KCTD21: variants seen among roughly 807,000 people sequenced by gnomAD.
KCTD21 encodes the protein potassium channel tetramerization domain containing 21.
KCTD21 carries 9 observed loss-of-function variants against 13.2 expected under a neutral mutation model. The observed-to-expected ratio is 0.68, with a 90% CI of 0.41 to 1.19. The LOEUF (loss-of-function observed/expected upper bound fraction) is 1.19. Ranked by LOEUF, KCTD21 falls within the 50% of genes most tolerant of loss-of-function variation. The probability of loss-of-function intolerance (pLI) is 0.01; values close to 1 mark genes in which losing one functional copy is unlikely to be tolerated. For missense variants in KCTD21, 303 were observed against 336.5 expected (o/e 0.90, Z 0.78); for synonymous variants, 142 against 137.4 (o/e 1.03, Z -0.23).
At position 78,187,080 on chromosome 11, in the gene KCTD21, G is replaced by A. The variant is rs1260375385; in HGVS notation, c.-30+1493C>T. 6.1e-6 allele frequency: 6 copies of A among 985,312 alleles called. No individual in the cohort carries two copies. In the South Asian group the frequency reaches 2.3e-4, roughly 39 times the overall value. The allele number at this position is 985,312 out of a possible 1,614,324, so 61.0% of individuals were successfully genotyped here. ...GTGACAAGGCCGAGGTGATTACTTGGGAGTAAATGCAAGGAGAGTTTCCAC... is the reference window on the plus strand; with the variant it reads ...GTGACAAGGCCGAGGTGATTACTTGAGAGTAAATGCAAGGAGAGTTTCCAC... On this transcript the variant is annotated intron_variant, in intron 1 of 1. Transcript: ENST00000340067.
intron 1 of KCTD21, among the ~76,000 whole-genome samples, chr11:78,178,568 A>C (rs2136997364): frequency 6.6e-6 from 1 of 152,266 alleles, no homozygotes; most frequent in Non-Finnish European, 1.5e-5. Flanking sequence ...ATGAACTAAC[A>C]CCACTGAGCC....
chr11:78,183,974 C>G (rs536861944), intron 1 of KCTD21, among the ~76,000 whole-genome samples: 2 of 152,258 alleles, frequency 1.3e-5, no homozygotes, highest in East Asian at 1.9e-4. Context: ...CTAATAAACA[C>G]AGAAGGAATG....
intron 1 of KCTD21, chr11:78,187,253 T>C (rs975354416): frequency 1.0e-6 from 1 of 985,186 alleles, no homozygotes; most frequent in African/African-American, 1.7e-5. Flanking sequence ...CTAGGACGAC[T>C]ACCCTTTCTT....
rs1862356670 is a variant in KCTD21 at position 78,173,798 on chromosome 11, T to C, written c.757A>G (p.Ile253Val). Residue 253 changes from isoleucine (I) to valine (V), a missense_variant, in exon 2 of 2, where the codon ATT becomes GTT. Coordinates refer to ENST00000340067, the MANE Select transcript of KCTD21 (RefSeq NM_001029859.3). ...TACCTGTACCGTATTAATCGAATAATCTTATTGTTCATAAAATCCAGAGCA... is the reference window on the plus strand; with the variant it reads ...TACCTGTACCGTATTAATCGAATAACCTTATTGTTCATAAAATCCAGAGCA... ...PHALDFMNNK[I>V]IRLIRYR 1 of 1,613,958 alleles carries C rather than the reference T, an allele frequency of 6.2e-7. No individual in the cohort carries two copies. The highest frequency in any genetic ancestry group is 8.5e-7 in the Non-Finnish European group (1 of 1,179,864).
At chr11:78,187,710 A>G in intron 1 of KCTD21, 12 of 985,364 alleles carry the variant, frequency 1.2e-5, no homozygotes, top group Non-Finnish European at 1.4e-5. Flanking sequence ...TCACAGTACT[A>G]TAGGAGGGCT....
At chr11:78,181,693 C>A (rs527960216) in intron 1 of KCTD21, among the ~76,000 whole-genome samples, 1 of 152,132 alleles carries the variant, frequency 6.6e-6, no homozygotes, top group South Asian at 2.1e-4. Context: ...TGCCTATAAT[C>A]CCAGTACTTT....
chr11:78,188,378 G>A (rs1454520429), intron 1 of KCTD21, 195 bp downstream of exon 1: 4 of 985,252 alleles, frequency 4.1e-6, no homozygotes, highest in Non-Finnish European at 4.8e-6. Context: ...CCCTCTAAGA[G>A]CTCTGCCCAC....
At position 78,173,906 on chromosome 11, in the gene KCTD21, T is replaced by C. The variant is rs186087116; in HGVS notation, c.649A>G (p.Ile217Val). ...RLWVVPANKQ[I>V]NSFQVFVEEV... ...TCCACGAAGACCTGGAAGCTGTTGA[T>C]CTGCTTGTTGGCGGGCACCACCCAG... Residue 217 changes from isoleucine to valine, a missense_variant, in exon 2 of 2, where the codon ATC becomes GTC. By Grantham distance (29) the Ile-to-Val change is conservative (BLOSUM62 3). Coordinates refer to ENST00000340067, the MANE Select transcript of KCTD21 (RefSeq NM_001029859.3). 487 of 1,614,200 alleles carry C rather than the reference T, an allele frequency of 3.0e-4. 1 individual carries two copies. In the East Asian group the frequency reaches 9.6e-3, roughly 32 times the overall value.
chr11:78,182,539 A>G lies in KCTD21; in HGVS notation c.-30+6034T>C, dbSNP rs112428699. 4.9e-3 allele frequency among the ~76,000 whole-genome samples: 750 copies of G among 152,330 alleles called. 8 individuals carry two copies. Among genetic ancestry groups the G allele is most frequent in the African/African-American group, 0.017 (708 of 41,568 alleles). On this transcript the variant is annotated intron_variant, in intron 1 of 1. Coordinates refer to ENST00000340067, the MANE Select transcript of KCTD21 (RefSeq NM_001029859.3). The stretch of plus-strand genomic sequence containing the variant: ...GAGAAGGAATTTGGTAATAAATGTG[A>G]AGAGACACAACTAGCAATGTTTAAA...
intron 1 of KCTD21, chr11:78,188,010 C>T (rs1862848017): frequency 2.0e-6 from 2 of 985,324 alleles, no homozygotes; most frequent in Non-Finnish European, 2.4e-6. Context: ...CCGCACTGAA[C>T]TCGGGGATGG....
rs755258463 is a variant in KCTD21 at position 78,173,743 on chromosome 11, TC to T, written c.*28del. On this transcript the variant is annotated 3_prime_UTR_variant, in exon 2 of 2. Transcript: ENST00000340067. ...CTGGCTGACATGAGCTTCCTGGGAC[TC>T]CCCATCTCCAGTGTTGTTGGGGTCC... is the stretch of plus-strand genomic sequence containing the variant. 2 of 1,570,322 alleles carry T rather than the reference TC, an allele frequency of 1.3e-6. No homozygotes were observed. Among genetic ancestry groups the T allele is most frequent in the African/African-American group, 1.4e-5 (1 of 73,964 alleles).
rs1862321952 is a variant in KCTD21 at position 78,172,949 on chromosome 11, ATTTG to A, written c.*819_*822del. The A allele has an allele frequency of 6.6e-6, 1 of 152,594 alleles. No individual in the cohort carries two copies. The highest frequency in any genetic ancestry group is 1.5e-5 in the Non-Finnish European group (1 of 68,024). 9.5% of individuals were successfully genotyped at this position (152,594 alleles called of 1,614,324 possible). On this transcript the variant is annotated 3_prime_UTR_variant, in exon 2 of 2. Coordinates refer to ENST00000340067, the MANE Select transcript of KCTD21 (RefSeq NM_001029859.3). ...TTCCAACCCTGAGAATCCGTAATAG[ATTTG>A]TTTAAAATGACCTGTTTCAATGATA...
rs530953860 is a variant in KCTD21, at chr11:78,187,279, A to T, written c.-30+1294T>A. On this transcript the variant is annotated intron_variant, in intron 1 of 1. Coordinates refer to ENST00000340067, the MANE Select transcript of KCTD21 (RefSeq NM_001029859.3). The stretch of plus-strand genomic sequence containing the variant: ...ACCCTTTCTTCACCTCCTCTTCCTG[A>T]CCACCCCACATCAAAGAGCTGCGTC... 97 of 985,064 alleles carry T rather than the reference A, an allele frequency of 9.8e-5. No individual in the cohort carries two copies. In the African/African-American group the frequency reaches 1.6e-3, roughly 16 times the overall value. The allele number at this position is 985,064 out of a possible 1,614,324, so 61.0% of individuals were successfully genotyped here.
intron 1 of KCTD21, chr11:78,188,236 G>A (rs551530153): frequency 3.1e-6 from 3 of 983,596 alleles, no homozygotes; most frequent in African/African-American, 1.8e-5. Flanking sequence ...GACCTGACAA[G>A]TGCCCCACCC....
Position 78,173,960 on chromosome 11 carries a change from C to T in KCTD21, c.595G>A (p.Glu199Lys), listed in dbSNP as rs201203383. The change falls in exon 2 of 2, where the codon GAG becomes AAG. Residue 199 changes from glutamate to lysine, a missense_variant. Physicochemically the swap from Glu to Lys is moderately conservative, Grantham distance 56 (BLOSUM62 1). Transcript: ENST00000340067. Reference sequence around the variant, plus strand: ...CTCTTGAGGTTCTGCTTGGTGTACTCCTCCTCTGGCAGGCCCTCCACATTG... The same window carrying T: ...CTCTTGAGGTTCTGCTTGGTGTACTTCTCCTCTGGCAGGCCCTCCACATTG... ...VANVEGLPEE[E>K]YTKQNLKRLW... The T allele has an allele frequency of 1.2e-5, 19 of 1,613,858 alleles. No homozygotes were observed. The highest frequency in any genetic ancestry group is 5.0e-5 in the Admixed American group (3 of 59,984).
intron 1 of KCTD21, among the ~76,000 whole-genome samples, chr11:78,186,417 T>TAAAAAAA (rs1862773963): frequency 9.8e-6 from 1 of 102,538 alleles, no homozygotes. Context: ...AGAAAAGAAC[T>TAAAAAAA]GGAGAGGCTG....
chr11:78,173,481 T>A lies in KCTD21; in HGVS notation c.*291A>T, dbSNP rs879757591. 7 of 317,704 alleles carry A rather than the reference T, an allele frequency of 2.2e-5. No individual in the cohort carries two copies. The highest frequency in any genetic ancestry group is 4.1e-5 in the Non-Finnish European group (7 of 171,674). The allele number at this position is 317,704 out of a possible 1,614,324, so 19.7% of individuals were successfully genotyped here. A position where few individuals can be genotyped will look rare whatever the true frequency, so the allele number is the denominator to read the frequency against. On this transcript the variant is annotated 3_prime_UTR_variant, in exon 2 of 2. Coordinates refer to ENST00000340067, the MANE Select transcript of KCTD21 (RefSeq NM_001029859.3). ...CCAGGAGAAAACTGCTGCTCTTTTG[T>A]CCTGGCTGGAAAATCCTCCTATGGC... is the stretch of plus-strand genomic sequence containing the variant.
rs1178339128 is a variant in KCTD21, at chr11:78,171,523, T to G, written c.*2249A>C. On this transcript the variant is annotated 3_prime_UTR_variant, in exon 2 of 2. Coordinates refer to ENST00000340067, the MANE Select transcript of KCTD21 (RefSeq NM_001029859.3). ...AAAAGGAGAAAGGGCAGTGGTGATT[T>G]GTAAGATTTCTTCCTCAAATTGTTT... The G allele has an allele frequency of 6.5e-6, 1 of 152,674 alleles. No homozygotes were observed. Among genetic ancestry groups the G allele is most frequent in the Non-Finnish European group, 1.5e-5 (1 of 68,036 alleles). 9.5% of individuals were successfully genotyped at this position (152,674 alleles called of 1,614,324 possible).
intron 1 of KCTD21, chr11:78,187,963 T>C: frequency 1.0e-6 from 1 of 985,350 alleles, no homozygotes; most frequent in African/African-American, 1.7e-5. Flanking sequence ...CGCCTCTACT[T>C]TTCAGGGCGT....
Sources: gnomAD v4.1 joint callset for allele counts (sites outside exome capture counted in the v4.1 genomes callset) on GRCh38, gnomAD v4.1.1 for gene constraint, MANE v1.5 for transcripts, NCBI Gene and HGNC (gene_info 2026-07-23, HGNC 2026-07-21) for gene names.